ZBTB16: variants seen among roughly 807,000 people sequenced by gnomAD.
ZBTB16 encodes zinc finger and BTB domain containing 16.
A neutral mutation model predicts 56.8 loss-of-function variants in ZBTB16; 8 were observed. The observed-to-expected ratio is 0.14, with a 90% CI of 0.08 to 0.25. ZBTB16 has a LOEUF of 0.25. Among genes scored for constraint, ZBTB16 ranks in the 10% least tolerant of loss-of-function variants. ZBTB16 has a pLI of 1.00. For missense variants in ZBTB16, 625 were observed against 903.0 expected (o/e 0.69, Z 3.95); for synonymous variants, 363 against 368.5 (o/e 0.98, Z 0.17).
chr11:114,219,066 A>G (rs945056406), intron 4 of ZBTB16, among the ~76,000 whole-genome samples: 1 of 152,118 alleles, frequency 6.6e-6, no homozygotes, highest in African/African-American at 2.4e-5. Flanking sequence ...TGGCATGTGT[A>G]TGCATGTACG....
chr11:114,104,599 A>G (rs1432599672), intron 2 of ZBTB16, among the ~76,000 whole-genome samples: 1 of 152,192 alleles, frequency 6.6e-6, no homozygotes, highest in Non-Finnish European at 1.5e-5. Flanking sequence ...TTGGATGACT[A>G]TCAGATTCAG....
intron 4 of ZBTB16, among the ~76,000 whole-genome samples, chr11:114,236,208 T>C (rs1338899178): frequency 3.9e-5 from 6 of 152,208 alleles, no homozygotes; most frequent in Non-Finnish European, 7.3e-5. Flanking sequence ...AAACAATACA[T>C]TTTTAGGATT....
At chr11:114,107,467 A>G (rs1940836142) in intron 2 of ZBTB16, among the ~76,000 whole-genome samples, 1 of 152,284 alleles carries the variant, frequency 6.6e-6, no homozygotes, top group South Asian at 2.1e-4. Context: ...CAACTCTGCC[A>G]AGGGGTTCTC....
At chr11:114,066,399 T>C (rs1332313746) in intron 2 of ZBTB16, among the ~76,000 whole-genome samples, 1 of 152,214 alleles carries the variant, frequency 6.6e-6, no homozygotes, top group Non-Finnish European at 1.5e-5. Flanking sequence ...GTTGTGTTTG[T>C]TTTTGCTCAA....
chr11:114,192,623 G>A (rs1169670474), intron 4 of ZBTB16, among the ~76,000 whole-genome samples: 1 of 152,140 alleles, frequency 6.6e-6, no homozygotes, highest in Admixed American at 6.5e-5. Flanking sequence ...ATGATGGGAG[G>A]GGAGCTTTAC....
rs182846056 is a variant in ZBTB16, at chr11:114,140,043, C to G, written c.1269-16294C>G. 6.7e-3 allele frequency among the ~76,000 whole-genome samples: 977 copies of G among 146,118 alleles called. 8 individuals are homozygous for G. Among genetic ancestry groups the G allele is most frequent in the Non-Finnish European group, 9.4e-3 (641 of 67,998 alleles). ...CCTCTTTGTCTGCTTTTCAACCCCA[C>G]CTCTTTTCTCCATTAGCTTTCTGGT... On this transcript the variant is annotated intron_variant, in intron 2 of 6. Coordinates refer to ENST00000335953, the MANE Select transcript of ZBTB16 (RefSeq NM_006006.6).
intron 4 of ZBTB16, chr11:114,188,833 T>C (rs1327196824): frequency 6.6e-6 from 1 of 152,152 alleles, no homozygotes; most frequent in Non-Finnish European, 1.5e-5. Context: ...ATTGTGGATA[T>C]TTAGGGAGAA....
chr11:114,112,849 G>A (rs952025957), intron 2 of ZBTB16, among the ~76,000 whole-genome samples: 1 of 148,024 alleles, frequency 6.8e-6, no homozygotes, highest in Non-Finnish European at 1.5e-5. Flanking sequence ...CTGTAGCCTC[G>A]ACCTTCCAGG....
At chr11:114,196,611 G>A (rs575448710) in intron 4 of ZBTB16, among the ~76,000 whole-genome samples, 2 of 152,282 alleles carry the variant, frequency 1.3e-5, no homozygotes, top group South Asian at 4.2e-4. Context: ...TTATCCTGTA[G>A]TTCCTTCATT....
chr11:114,129,018 G>A (rs921658455), intron 2 of ZBTB16, among the ~76,000 whole-genome samples: 9 of 152,172 alleles, frequency 5.9e-5, no homozygotes, highest in African/African-American at 1.9e-4. Flanking sequence ...CTCCCCATGT[G>A]CGTTCAGGTG....
chr11:114,231,807 G>A (rs1944445964), intron 4 of ZBTB16, among the ~76,000 whole-genome samples: 2 of 152,192 alleles, frequency 1.3e-5, no homozygotes, highest in Non-Finnish European at 2.9e-5. Flanking sequence ...CTCAGTGGGA[G>A]AAAGGACCAT....
intron 5 of ZBTB16, among the ~76,000 whole-genome samples, chr11:114,243,054 C>T (rs1944745247): frequency 6.6e-6 from 1 of 152,318 alleles, no homozygotes; most frequent in African/African-American, 2.4e-5. Flanking sequence ...GACACTTGGT[C>T]CCTGATGGCC....
At chr11:114,237,933 C>T (rs959643771) in intron 4 of ZBTB16, among the ~76,000 whole-genome samples, 7 of 152,290 alleles carry the variant, frequency 4.6e-5, no homozygotes, top group South Asian at 2.1e-4. Context: ...CCCTGGGAGC[C>T]TTGGTTGGTG....
intron 2 of ZBTB16, among the ~76,000 whole-genome samples, chr11:114,117,079 A>G (rs190126432): frequency 6.6e-6 from 1 of 152,320 alleles, no homozygotes; most frequent in African/African-American, 2.4e-5. Flanking sequence ...TTAAAAGATG[A>G]GAGGAAGATC....
intron 4 of ZBTB16, among the ~76,000 whole-genome samples, chr11:114,199,734 C>T (rs1943691695): frequency 6.6e-6 from 1 of 152,182 alleles, no homozygotes; most frequent in Admixed American, 6.5e-5. Context: ...GCCTAAGATT[C>T]TGATCTTGCA....
At chr11:114,189,136 T>A (rs1943433030) in intron 4 of ZBTB16, 2 of 152,256 alleles carry the variant, frequency 1.3e-5, no homozygotes, top group South Asian at 4.1e-4. Flanking sequence ...TTACTCTGCA[T>A]GTGCTGAGTC....
intron 2 of ZBTB16, chr11:114,121,867 T>G (rs1201146137): frequency 2.2e-6 from 1 of 455,612 alleles, no homozygotes; most frequent in African/African-American, 2.0e-5. Flanking sequence ...CATTTTGGAC[T>G]GTCAAGATGC....
intron 2 of ZBTB16, among the ~76,000 whole-genome samples, chr11:114,095,520 A>G (rs894662557): frequency 6.6e-6 from 1 of 151,860 alleles, no homozygotes; most frequent in Non-Finnish European, 1.5e-5. Context: ...TTGGCCTCCC[A>G]CAGTGCTGGG....
chr11:114,159,984 A>C (rs1176386288), intron 3 of ZBTB16, among the ~76,000 whole-genome samples: 1 of 146,566 alleles, frequency 6.8e-6, no homozygotes, highest in East Asian at 2.0e-4. Context: ...GCTGTGGAGA[A>C]GTGAGTCCAG....
Sources: allele counts gnomAD v4.1 joint callset (sites outside exome capture counted in the v4.1 genomes callset), GRCh38; gene constraint gnomAD v4.1.1; transcripts MANE v1.5; gene names NCBI Gene and HGNC (gene_info 2026-07-23, HGNC 2026-07-21).